The following PAMR1 variants were observed in gnomAD, a reference collection of about 807,000 sequenced individuals.
PAMR1 encodes peptidase domain containing associated with muscle regeneration 1, also known as inactive serine protease PAMR1.
Under a neutral mutation model 81.8 loss-of-function variants are expected in PAMR1, and 88 were observed. The observed-to-expected ratio is 1.08, with a 90% CI of 0.91 to 1.28. PAMR1 has a LOEUF of 1.28. PAMR1 is among the 50% of genes most tolerant of loss of function. PAMR1 has a pLI of 0.00. For missense variants in PAMR1, 935 were observed against 919.7 expected (o/e 1.02, Z -0.21); for synonymous variants, 336 against 345.3 (o/e 0.97, Z 0.30).
chr11:35,451,967 G>A, intron 6 of PAMR1: 2 of 674,346 alleles, frequency 3.0e-6, no homozygotes, highest in Non-Finnish European at 5.4e-6. Flanking sequence ...TGTTGTTTAA[G>A]TCACCCAGTC....
chr11:35,525,440 A>T, intron 1 of PAMR1, 73 bp downstream of exon 1: 1 of 1,282,382 alleles, frequency 7.8e-7, no homozygotes. Flanking sequence ...TCCTGCTCCC[A>T]GGCAGACCCC....
chr11:35,440,049 CAT>C (rs1446330470), intron 7 of PAMR1, among the ~76,000 whole-genome samples: 2 of 152,200 alleles, frequency 1.3e-5, no homozygotes, highest in African/African-American at 4.8e-5. Context: ...GGTTCTAAAA[CAT>C]AGCCCACATG....
upstream of PAMR1, chr11:35,525,943 G>A (rs147732838): frequency 3.4e-3 from 1,013 of 300,408 alleles, 10 homozygotes; most frequent in African/African-American, 0.02. Context: ...GACCCTGGGC[G>A]GGAGCAGAGG....
chr11:35,491,909 A>G lies in PAMR1; in HGVS notation c.379+136T>C, dbSNP rs1301901072. 5.6e-6 allele frequency: 4 copies of G among 719,898 alleles called. No individual in the cohort carries two copies. In the East Asian group the frequency reaches 1.1e-4, roughly 20 times the overall value. The allele number at this position is 719,898 out of a possible 1,614,324, so 44.6% of individuals were successfully genotyped here. On this transcript the variant is annotated intron_variant, in intron 3 of 10. Transcript: ENST00000619888. ...CAGATGGAAATCCATCTTTGTTTTT[A>G]TAGTTTTACCTAGAAAGCCCTCTGG...
intron 3 of PAMR1, among the ~76,000 whole-genome samples, chr11:35,488,669 C>CTT (rs34053329): frequency 0.17 from 7,557 of 43,364 alleles, 605 homozygotes; most frequent in Non-Finnish European, 0.24. Flanking sequence ...CAAATCTTGC[C>CTT]TTTTTTTTTT....
At chr11:35,493,702 C>T (rs940032419) in intron 2 of PAMR1, among the ~76,000 whole-genome samples, 26 of 152,266 alleles carry the variant, frequency 1.7e-4, no homozygotes, top group African/African-American at 6.0e-4. Flanking sequence ...TGCCATAGTA[C>T]CCCATGCTTC....
chr11:35,500,916 G>A (rs897170633), intron 1 of PAMR1, among the ~76,000 whole-genome samples: 1 of 152,064 alleles, frequency 6.6e-6, no homozygotes, highest in Non-Finnish European at 1.5e-5. Context: ...AGCTATATAA[G>A]GCACTTACCA....
intron 9 of PAMR1, 36 bp downstream of exon 9, chr11:35,435,867 G>T: frequency 1.4e-6 from 2 of 1,477,592 alleles, no homozygotes; most frequent in Non-Finnish European, 1.9e-6. Flanking sequence ...ATGAAAGATT[G>T]AGCATGCTCA....
chr11:35,434,347 C>T (rs1430429492), intron 10 of PAMR1, among the ~76,000 whole-genome samples, 165 bp downstream of exon 10: 1 of 151,462 alleles, frequency 6.6e-6, no homozygotes, highest in African/African-American at 2.4e-5. Flanking sequence ...TTCTAGGTAC[C>T]CCCATCTAGT....
Position 35,471,517 on chromosome 11 carries a change from C to CA in PAMR1, c.495-700dup, listed in dbSNP as rs755585798. 9.2e-5 allele frequency among the ~76,000 whole-genome samples: 14 copies of CA among 151,782 alleles called. No homozygotes were observed. The East Asian group carries it at 9.7e-4, about 10-fold the overall frequency. ...GTAAAGGGGAAAACAACAACAACAA[C>CA]AAAAAAAACCTCTGCACACTCTTCC... On this transcript the variant is annotated intron_variant, in intron 4 of 10. Transcript: ENST00000619888.
chr11:35,523,002 A>G (rs1468518674), intron 1 of PAMR1, among the ~76,000 whole-genome samples: 7 of 152,150 alleles, frequency 4.6e-5, no homozygotes, highest in Non-Finnish European at 8.8e-5. Flanking sequence ...CTCAGCTCCT[A>G]AACTCCATGA....
chr11:35,513,222 T>G (rs1296916502), intron 1 of PAMR1: 1 of 152,220 alleles, frequency 6.6e-6, no homozygotes, highest in Non-Finnish European at 1.5e-5. Flanking sequence ...GCAAACACCT[T>G]CACAGCACTT....
chr11:35,446,458 T>C (rs1856294568), intron 6 of PAMR1, among the ~76,000 whole-genome samples: 1 of 152,208 alleles, frequency 6.6e-6, no homozygotes, highest in Non-Finnish European at 1.5e-5. Flanking sequence ...TGTGTAGATT[T>C]TTGATGTGGG....
intron 1 of PAMR1, 134 bp from the exon 2 acceptor site, chr11:35,494,406 T>A: frequency 1.4e-6 from 1 of 699,724 alleles, no homozygotes; most frequent in African/African-American, 1.8e-5. Flanking sequence ...CGATCTCGGC[T>A]CACTGTAAGC....
chr11:35,501,697 GTGCT>G (rs1186503743), intron 1 of PAMR1, among the ~76,000 whole-genome samples: 1 of 152,082 alleles, frequency 6.6e-6, no homozygotes, highest in East Asian at 1.9e-4. Flanking sequence ...TTATGGTTCT[GTGCT>G]TGCTTATTTC....
In PAMR1 at chr11:35,468,093, G is replaced by A; in HGVS notation, c.728C>T (p.Pro243Leu). ...YEEITACSSS[P>L]CFHDGTCVLD... ...GACGCACGTGCCGTCATGGAAACAAGGGGATGAGGAGCATGCTGTAAGAGA... is the reference window on the plus strand; with the variant it reads ...GACGCACGTGCCGTCATGGAAACAAAGGGATGAGGAGCATGCTGTAAGAGA... The change falls in exon 6 of 11, where the codon CCT becomes CTT. Residue 243 changes from proline to leucine, a missense_variant. Transcript: ENST00000619888. 6.4e-7 allele frequency: 1 copy of A among 1,552,856 alleles called. No homozygotes were observed. Among genetic ancestry groups the A allele is most frequent in the Non-Finnish European group, 8.7e-7 (1 of 1,147,086 alleles).
intron 6 of PAMR1, among the ~76,000 whole-genome samples, chr11:35,466,702 G>C (rs2135374013): frequency 7.1e-6 from 1 of 141,268 alleles, no homozygotes; most frequent in East Asian, 2.0e-4. Flanking sequence ...ACTCTAGCCT[G>C]GGCGACAGAG....
chr11:35,436,322 C>T (rs942774777), intron 8 of PAMR1, 187 bp from the exon 9 acceptor site: 49 of 578,424 alleles, frequency 8.5e-5, no homozygotes, highest in South Asian at 4.1e-4. Flanking sequence ...CTCTGTCCCT[C>T]ACTCCAGGAT....
At chr11:35,448,569 G>C (rs1448386621) in intron 6 of PAMR1, among the ~76,000 whole-genome samples, 6 of 152,058 alleles carry the variant, frequency 3.9e-5, no homozygotes, top group Non-Finnish European at 8.8e-5. Flanking sequence ...TAGCTTCTTT[G>C]CATTGGGTTA....
Sources: gnomAD v4.1 joint callset for allele counts (sites outside exome capture counted in the v4.1 genomes callset) on GRCh38, gnomAD v4.1.1 for gene constraint, MANE v1.5 for transcripts, NCBI Gene and HGNC (gene_info 2026-07-23, HGNC 2026-07-21) for gene names.